DCBLD1: variants seen among roughly 807,000 people sequenced by gnomAD.
DCBLD1 encodes discoidin, CUB and LCCL domain-containing protein 1.
DCBLD1 carries 57 observed loss-of-function variants against 71.5 expected under a neutral mutation model. The observed-to-expected ratio is 0.80, with a 90% CI of 0.64 to 0.99. The LOEUF is 0.99. Ranked by LOEUF, DCBLD1 falls within the 50% of genes least tolerant of loss-of-function variation. The pLI is 0.00. For synonymous variants in DCBLD1, 380 were observed against 363.8 expected (o/e 1.04, Z -0.51); for missense variants, 891 against 923.5 (o/e 0.96, Z 0.46).
chr6:117,559,414 G>A (rs1779541336), intron 14 of DCBLD1, among the ~76,000 whole-genome samples: 1 of 152,192 alleles, frequency 6.6e-6, no homozygotes, highest in Non-Finnish European at 1.5e-5. Context: ...CAAGACCATC[G>A]TGGAGTGCTC....
intron 14 of DCBLD1, chr6:117,569,584 A>G: frequency 1.2e-6 from 2 of 1,612,948 alleles, no homozygotes; most frequent in Non-Finnish European, 1.7e-6. Context: ...GCTGAGAAAG[A>G]ATAGTTACAG....
chr6:117,540,608 T>G (rs1297739761), intron 9 of DCBLD1, 60 bp from the exon 10 acceptor site: 3 of 1,598,106 alleles, frequency 1.9e-6, no homozygotes, highest in Non-Finnish European at 2.6e-6. Context: ...ATAAGTGGGA[T>G]GATAAACACC....
At chr6:117,517,555 C>G (rs952728825) in intron 2 of DCBLD1, among the ~76,000 whole-genome samples, 5 of 152,222 alleles carry the variant, frequency 3.3e-5, no homozygotes, top group African/African-American at 1.2e-4. Context: ...TTCCCTTCTG[C>G]ACTACCCAAG....
At chr6:117,569,530 C>T (rs763684563) in intron 14 of DCBLD1, 1 of 1,602,172 alleles carries the variant, frequency 6.2e-7, no homozygotes, top group Non-Finnish European at 8.5e-7. Flanking sequence ...AGATTCATAA[C>T]CAATTGATAG....
At chr6:117,540,444 C>G in intron 9 of DCBLD1, 1 of 501,740 alleles carries the variant, frequency 2.0e-6, no homozygotes, top group African/African-American at 1.9e-5. Context: ...GCTTCTTTAT[C>G]CAAAATGAAA....
At chr6:117,498,177 C>G (rs1230809528) in intron 1 of DCBLD1, among the ~76,000 whole-genome samples, 1 of 152,080 alleles carries the variant, frequency 6.6e-6, no homozygotes, top group Non-Finnish European at 1.5e-5. Flanking sequence ...ATACTTGCAC[C>G]TTTTTCCAGA....
intron 1 of DCBLD1, 104 bp downstream of exon 1, chr6:117,482,997 G>T (rs1776954447): frequency 2.0e-6 from 2 of 993,122 alleles, no homozygotes; most frequent in East Asian, 8.4e-5. Context: ...GGCGGGCCGG[G>T]CCTGGGGGGA....
At chr6:117,501,155 A>G (rs1319869009) in intron 1 of DCBLD1, among the ~76,000 whole-genome samples, 1 of 152,134 alleles carries the variant, frequency 6.6e-6, no homozygotes, top group Non-Finnish European at 1.5e-5. Context: ...TAATTACCCT[A>G]GGATTGCTTT....
intron 1 of DCBLD1, among the ~76,000 whole-genome samples, chr6:117,492,930 G>A (rs2114380960): frequency 6.6e-6 from 1 of 152,280 alleles, no homozygotes; most frequent in Non-Finnish European, 1.5e-5. Context: ...GTATGCTCAA[G>A]TAATTCCTGA....
At chr6:117,535,971 C>A (rs1778869668) in intron 6 of DCBLD1, among the ~76,000 whole-genome samples, 1 of 152,086 alleles carries the variant, frequency 6.6e-6, no homozygotes, top group African/African-American at 2.4e-5. Flanking sequence ...ATATTCAGTG[C>A]AGAGATTATA....
At chr6:117,490,171 T>G (rs1029254096) in intron 1 of DCBLD1, among the ~76,000 whole-genome samples, 2 of 152,322 alleles carry the variant, frequency 1.3e-5, no homozygotes, top group East Asian at 3.9e-4. Context: ...CTATTGTTTT[T>G]ATTAAATATT....
Position 117,519,864 on chromosome 6 carries a change from C to T in DCBLD1, c.374C>T (p.Thr125Ile). Residue 125 changes from threonine (T) to isoleucine (I), a missense_variant, in exon 3 of 15, where the codon ACA becomes ATA. Thr to Ile is a moderately conservative substitution (Grantham distance 89). Transcript: ENST00000338728. Reference sequence around the variant, plus strand: ...GTTCCCAAAGAACTCTTGTTGAACACAAGTGAAGTAACCGTCCGCTTTGAG... The same window carrying T: ...GTTCCCAAAGAACTCTTGTTGAACATAAGTGAAGTAACCGTCCGCTTTGAG... ...MTVPKELLLN[T>I]SEVTVRFESG... is the part of the protein sequence containing the mutation. 1 of 1,614,128 alleles carries T rather than the reference C, an allele frequency of 6.2e-7. No homozygotes were observed. The highest frequency in any genetic ancestry group is 2.2e-5 in the East Asian group (1 of 44,878).
chr6:117,548,763 T>G lies in DCBLD1; in HGVS notation c.*324T>G. 8.5e-7 allele frequency: 1 copy of G among 1,172,792 alleles called. No homozygotes were observed. The highest frequency in any genetic ancestry group is 1.1e-6 in the Non-Finnish European group (1 of 948,752). The allele number at this position is 1,172,792 out of a possible 1,614,324, so 72.6% of individuals were successfully genotyped here. ...GGTGTAATGTGTACAGAGTTGTATT[T>G]AACAATAATAAAAGTAACTTAAGTT... On this transcript the variant is annotated 3_prime_UTR_variant, in exon 15 of 15. Transcript: ENST00000338728.
chr6:117,508,868 G>T (rs1283724187), intron 2 of DCBLD1, among the ~76,000 whole-genome samples: 1 of 152,162 alleles, frequency 6.6e-6, no homozygotes, highest in Non-Finnish European at 1.5e-5. Flanking sequence ...CTCAAAGGAG[G>T]TTGTTCTGAT....
chr6:117,529,872 T>C (rs558481403), intron 5 of DCBLD1, among the ~76,000 whole-genome samples: 2 of 152,170 alleles, frequency 1.3e-5, no homozygotes, highest in Non-Finnish European at 2.9e-5. Flanking sequence ...AAAAATTTTA[T>C]AAAAAAGGTA....
chr6:117,542,241 G>A (rs367614718), intron 11 of DCBLD1, among the ~76,000 whole-genome samples: 9 of 149,374 alleles, frequency 6.0e-5, no homozygotes, highest in African/African-American at 1.5e-4. Context: ...TGCCCAAGCC[G>A]AGATCACACC....
At chr6:117,535,455 G>A (rs1168482365) in intron 6 of DCBLD1, among the ~76,000 whole-genome samples, 1 of 152,112 alleles carries the variant, frequency 6.6e-6, no homozygotes, top group Non-Finnish European at 1.5e-5. Flanking sequence ...CCTCCCTAGG[G>A]TGTTTTTAGT....
In DCBLD1 at chr6:117,563,363, G is replaced by A. The variant is rs770619982; in HGVS notation, c.1616-6257G>A. On this transcript the variant is annotated intron_variant, in intron 14 of 14. Coordinates refer to the DCBLD1 transcript ENST00000296955. ...CAGGTCTCCATTTTCATGTGTGTCA[G>A]TTACTGCCTTCTTATTAAATCCTGA... The A allele has an allele frequency of 3.1e-6, 5 of 1,613,314 alleles. No individual in the cohort carries two copies. The African/African-American group carries it at 6.7e-5, about 22-fold the overall frequency.
intron 2 of DCBLD1, among the ~76,000 whole-genome samples, chr6:117,507,310 C>T (rs979823527): frequency 5.9e-5 from 9 of 152,194 alleles, no homozygotes; most frequent in African/African-American, 1.9e-4. Flanking sequence ...TAAACACCCA[C>T]AACAACTTTC....
Sources: gnomAD v4.1 joint callset for allele counts (sites outside exome capture counted in the v4.1 genomes callset) on GRCh38, gnomAD v4.1.1 for gene constraint, MANE v1.5 for transcripts, NCBI Gene and HGNC (gene_info 2026-07-23, HGNC 2026-07-21) for gene names.